Variants in ARID2 observed in about 807,000 individuals in gnomAD.
ARID2 encodes AT-rich interactive domain-containing protein 2.
Under a neutral mutation model 184.6 loss-of-function variants are expected in ARID2, and 32 were observed. The observed-to-expected ratio is 0.17, with a 90% CI of 0.13 to 0.23. The LOEUF (loss-of-function observed/expected upper bound fraction) is 0.23. Ranked by LOEUF, ARID2 falls within the 10% of genes least tolerant of loss-of-function variation. The probability of loss-of-function intolerance (pLI) is 1.00; values close to 1 mark genes in which losing one functional copy is unlikely to be tolerated. For synonymous variants in ARID2, 836 were observed against 772.6 expected, an observed-to-expected ratio of 1.08 and a Z score of -1.36; for missense variants, 1,696 against 2,197.6, an observed-to-expected ratio of 0.77 and a Z score of 4.56.
chr12:45,880,383 A>G (rs547829429), intron 16 of ARID2, among the ~76,000 whole-genome samples: 29 of 152,230 alleles, frequency 1.9e-4, no homozygotes, highest in Non-Finnish European at 3.2e-4. Context: ...TAATTCCCCA[A>G]CTGCCCAGGA....
intron 10 of ARID2, among the ~76,000 whole-genome samples, chr12:45,838,773 AT>A (rs1387815128): frequency 2.6e-5 from 4 of 151,696 alleles, no homozygotes; most frequent in Non-Finnish European, 5.9e-5. Context: ...TCAAAAAAAA[AT>A]ATATAGATAG....
chr12:45,729,715 T>A lies in ARID2; in HGVS notation c.-122T>A, dbSNP rs1328339855. On this transcript the variant is annotated 5_prime_UTR_variant, in exon 1 of 21. It removes an upstream start codon present in the reference 5' UTR. Transcript: ENST00000334344. ...CGCCGCCGCCGCCACCGCCGGCCCA[T>A]GACTGAGCCCCGCCGCCGCCGGCCG... 9 of 780,356 alleles carry A rather than the reference T, an allele frequency of 1.2e-5. No homozygotes were observed. The highest frequency in any genetic ancestry group is 1.7e-5 in the Non-Finnish European group (9 of 536,976). The allele number at this position is 780,356 out of a possible 1,614,324, so 48.3% of individuals were successfully genotyped here.
At position 45,837,806 on chromosome 12, in the gene ARID2, T is replaced by G. The variant is rs538921730; in HGVS notation, c.1330+99T>G. On this transcript the variant is annotated intron_variant, in intron 10 of 20. Transcript: ENST00000334344. Reference sequence around the variant, plus strand: ...CAATTTATATTTGAGGTTTAGTGTTTTATTTTGAAGAGTCATTACCTCCTC... The same window carrying G: ...CAATTTATATTTGAGGTTTAGTGTTGTATTTTGAAGAGTCATTACCTCCTC... 2.5e-4 allele frequency: 283 copies of G among 1,154,468 alleles called. 1 individual carries two copies. The South Asian group carries it at 5.1e-3, about 21-fold the overall frequency. 71.5% of individuals were successfully genotyped at this position (1,154,468 alleles called of 1,614,324 possible).
In ARID2 at chr12:45,732,794, A is replaced by C. The variant is rs146681202; in HGVS notation, c.284+1480A>C. 3.8e-4 allele frequency among the ~76,000 whole-genome samples: 58 copies of C among 152,288 alleles called. No homozygotes were observed. In the East Asian group the frequency reaches 0.01, roughly 27 times the overall value. ...GATTGACTTAAGTTTTATAACCAGA[A>C]AGTACTATAGAATATACATGATTCA... On this transcript the variant is annotated intron_variant, in intron 3 of 20. Transcript: ENST00000334344.
In ARID2 at chr12:45,850,481, C is replaced by G. The variant is rs1943526402; in HGVS notation, c.2358C>G (p.Gly786=). 1 of 1,614,004 alleles carries G rather than the reference C, an allele frequency of 6.2e-7. No homozygotes were observed. Among genetic ancestry groups the G allele is most frequent in the Non-Finnish European group, 8.5e-7 (1 of 1,179,968 alleles). Residue 786 remains glycine (G), a synonymous_variant, in exon 15 of 21, where the codon GGC becomes GGG. Coordinates refer to ENST00000334344, the MANE Select transcript of ARID2 (RefSeq NM_152641.4). ...HTVVPGQIPS[G]TPVTVIQQAV... is the part of the protein sequence containing the mutation. ...TGGTACCAGGACAGATCCCTTCAGG[C>G]ACTCCTGTTACAGTAATTCAACAAG...
At chr12:45,881,828 C>A in intron 16 of ARID2, 1 of 222,910 alleles carries the variant, frequency 4.5e-6, no homozygotes, top group South Asian at 7.5e-5. Flanking sequence ...CCTTTTTTTC[C>A]CTCTTGTGTT....
chr12:45,876,594 T>A, intron 16 of ARID2, among the ~76,000 whole-genome samples: 1 of 149,528 alleles, frequency 6.7e-6, no homozygotes, highest in Non-Finnish European at 1.5e-5. Flanking sequence ...ACACAGAACA[T>A]TTACACTCCA....
intron 3 of ARID2, among the ~76,000 whole-genome samples, chr12:45,780,839 C>G (rs1385178565): frequency 6.6e-6 from 1 of 151,980 alleles, no homozygotes; most frequent in African/African-American, 2.4e-5. Context: ...AGGCTGTTCT[C>G]GAACTCCTGA....
rs1941716973 is a variant in ARID2, at chr12:45,763,435, A to T, written c.284+32121A>T. ...CAGTGAGCCAAGACCGCTCCATTCCATTCCAGCCCAGGTGACAATGTGAGA... is the reference window on the plus strand; with the variant it reads ...CAGTGAGCCAAGACCGCTCCATTCCTTTCCAGCCCAGGTGACAATGTGAGA... On this transcript the variant is annotated intron_variant, in intron 3 of 20. Transcript: ENST00000334344. Among the ~76,000 whole-genome samples, 4 of 152,032 alleles carry T rather than the reference A, an allele frequency of 2.6e-5. No individual in the cohort carries two copies. In the South Asian group the frequency reaches 8.3e-4, roughly 32 times the overall value.
chr12:45,836,474 TTAAAG>T (rs2138124538), intron 6 of ARID2, 110 bp from the exon 7 acceptor site: 1 of 992,532 alleles, frequency 1.0e-6, no homozygotes, highest in East Asian at 2.8e-5. Context: ...TCTTGGCCTC[TTAAAG>T]TGCTGGGATT....
At chr12:45,901,615 A>C (rs562732904) in intron 20 of ARID2, among the ~76,000 whole-genome samples, 1 of 151,602 alleles carries the variant, frequency 6.6e-6, no homozygotes, top group South Asian at 2.1e-4. Context: ...GTGTATGGTT[A>C]CTCTTTCCTT....
At position 45,815,654 on chromosome 12, in the gene ARID2, G is replaced by A. The variant is rs140941583; in HGVS notation, c.419-2016G>A. 5.8e-3 allele frequency among the ~76,000 whole-genome samples: 876 copies of A among 151,930 alleles called. 7 individuals carry two copies. The highest frequency in any genetic ancestry group is 0.02 in the African/African-American group (836 of 41,414). ...CTTTTAAAAATATTCAGATATTTCCGAAATATTCTTTTGTTATTGTTGTTA... is the reference window on the plus strand; with the variant it reads ...CTTTTAAAAATATTCAGATATTTCCAAAATATTCTTTTGTTATTGTTGTTA... On this transcript the variant is annotated intron_variant, in intron 4 of 20. Coordinates refer to ENST00000334344, the MANE Select transcript of ARID2 (RefSeq NM_152641.4).
At chr12:45,776,630 A>T (rs1941984911) in intron 3 of ARID2, among the ~76,000 whole-genome samples, 1 of 152,290 alleles carries the variant, frequency 6.6e-6, no homozygotes, top group South Asian at 2.1e-4. Context: ...GGATTTTTTT[A>T]AAAATTCACA....
chr12:45,849,454 T>A (rs1302034199), intron 13 of ARID2, 126 bp from the exon 14 acceptor site: 1 of 615,594 alleles, frequency 1.6e-6, no homozygotes, highest in Non-Finnish European at 2.6e-6. Context: ...TTGCAGAATA[T>A]AACTGTGAGT....
intron 3 of ARID2, chr12:45,789,688 G>C (rs1428149083): frequency 6.6e-6 from 1 of 152,066 alleles, no homozygotes; most frequent in African/African-American, 2.4e-5. Flanking sequence ...TGTTATTCCA[G>C]TAACTTTTGC....
intron 18 of ARID2, among the ~76,000 whole-genome samples, chr12:45,892,754 T>C (rs1189233769): frequency 6.6e-6 from 1 of 152,092 alleles, no homozygotes; most frequent in Admixed American, 6.6e-5. Context: ...ATGCACTATA[T>C]CTGCTTGGTG....
intron 3 of ARID2, among the ~76,000 whole-genome samples, chr12:45,795,241 C>G (rs1328763851): frequency 6.6e-6 from 1 of 152,004 alleles, no homozygotes; most frequent in Non-Finnish European, 1.5e-5. Flanking sequence ...GAACATTGAC[C>G]CTGTAGGGGA....
chr12:45,776,958 GT>G (rs1327791722), intron 3 of ARID2, among the ~76,000 whole-genome samples: 4 of 146,146 alleles, frequency 2.7e-5, no homozygotes, highest in South Asian at 2.2e-4. Context: ...AATTTATGTG[GT>G]TTTTTTTTTT....
At chr12:45,867,197 C>A (rs936397081) in intron 16 of ARID2, among the ~76,000 whole-genome samples, 1 of 152,000 alleles carries the variant, frequency 6.6e-6, no homozygotes, top group African/African-American at 2.4e-5. Flanking sequence ...GATCCACCCA[C>A]CTTGGCCTCC....
Sources: gnomAD v4.1 joint callset for allele counts (sites outside exome capture counted in the v4.1 genomes callset) on GRCh38, gnomAD v4.1.1 for gene constraint, MANE v1.5 for transcripts, NCBI Gene and HGNC (gene_info 2026-07-23, HGNC 2026-07-21) for gene names.